NR3C2: variants seen among roughly 807,000 people sequenced by gnomAD.
The protein encoded by NR3C2 is nuclear receptor subfamily 3 group C member 2, also known as mineralocorticoid receptor.
A neutral mutation model predicts 86.4 loss-of-function variants in NR3C2; 15 were observed. The ratio of observed to expected loss-of-function variants is 0.17; its 90% CI spans 0.12 to 0.27. The LOEUF is 0.27. NR3C2 is among the 10% of genes least tolerant of loss of function. NR3C2 has a pLI of 1.00. For synonymous variants in NR3C2, 458 were observed against 450.5 expected (o/e 1.02, Z -0.21); for missense variants, 960 against 1,195.6 (o/e 0.80, Z 2.91).
At chr4:148,229,169 A>G (rs1738334948) in intron 3 of NR3C2, among the ~76,000 whole-genome samples, 1 of 152,182 alleles carries the variant, frequency 6.6e-6, no homozygotes, top group East Asian at 1.9e-4. Flanking sequence ...TCACCCAGGC[A>G]TGCCCGCAAT....
At position 148,154,641 on chromosome 4, in the gene NR3C2, G is replaced by A; in HGVS notation, c.2275C>T (p.Pro759Ser). Residue 759 changes from proline to serine, a missense_variant, in exon 5 of 9, where the codon CCA (proline) becomes TCA (serine). Physicochemically the swap from Pro to Ser is moderately conservative, Grantham distance 74. Coordinates refer to ENST00000358102, the MANE Select transcript of NR3C2 (RefSeq NM_000901.5). Reference sequence around the variant, plus strand: ...GAGAGCAGATTTTCGGCTGTATCTGGTTTTGAGCTGTCATAGCCTGCATAT... The same window carrying A: ...GAGAGCAGATTTTCGGCTGTATCTGATTTTGAGCTGTCATAGCCTGCATAT... The part of the protein sequence containing the change: ...IVYAGYDSSK[P>S]DTAENLLSTL... 6.2e-7 allele frequency: 1 copy of A among 1,614,202 alleles called. No individual in the cohort carries two copies. Among genetic ancestry groups the A allele is most frequent in the Non-Finnish European group, 8.5e-7 (1 of 1,180,040 alleles).
At chr4:148,416,942 A>AT (rs199722136) in intron 2 of NR3C2, among the ~76,000 whole-genome samples, 14,927 of 151,828 alleles carry the variant, frequency 0.098, 806 homozygotes, top group Middle Eastern at 0.13. Context: ...TGCCCAGCTA[A>AT]TTTTTTGTAT....
intron 3 of NR3C2, among the ~76,000 whole-genome samples, chr4:148,258,589 T>C (rs559494111): frequency 6.6e-6 from 1 of 152,330 alleles, no homozygotes; most frequent in African/African-American, 2.4e-5. Context: ...TGAGCCAAGT[T>C]CAATCTGAGG....
chr4:148,187,328 T>C (rs1408933006), intron 4 of NR3C2, among the ~76,000 whole-genome samples: 1 of 152,090 alleles, frequency 6.6e-6, no homozygotes, highest in Non-Finnish European at 1.5e-5. Flanking sequence ...ACCAGCAGTG[T>C]AGAAGTGTTC....
intron 3 of NR3C2, among the ~76,000 whole-genome samples, chr4:148,259,766 C>A (rs1740005057): frequency 6.6e-6 from 1 of 152,148 alleles, no homozygotes; most frequent in South Asian, 2.1e-4. Context: ...TTTGGTTGAT[C>A]CTTGCTCAGA....
intron 8 of NR3C2, among the ~76,000 whole-genome samples, chr4:148,092,868 A>G (rs1731121049): frequency 6.6e-6 from 1 of 152,100 alleles, no homozygotes; most frequent in Non-Finnish European, 1.5e-5. Flanking sequence ...CCAAAGCTCT[A>G]CCTTTACTTG....
intron 3 of NR3C2, among the ~76,000 whole-genome samples, chr4:148,200,765 G>A (rs1031647408): frequency 7.2e-5 from 11 of 152,132 alleles, no homozygotes; most frequent in African/African-American, 2.4e-4. Context: ...TAAAATGAAT[G>A]GTAGCTGTTA....
intron 2 of NR3C2, among the ~76,000 whole-genome samples, chr4:148,318,226 T>C (rs923622608): frequency 1.5e-4 from 22 of 150,878 alleles, no homozygotes; most frequent in African/African-American, 4.9e-4. Context: ...TATGGCTGCA[T>C]AGTATTCCAT....
intron 8 of NR3C2, among the ~76,000 whole-genome samples, chr4:148,082,556 C>CAGA (rs1341603584): frequency 2.0e-5 from 3 of 151,986 alleles, no homozygotes; most frequent in Non-Finnish European, 4.4e-5. Flanking sequence ...TTCCCAGGGT[C>CAGA]TTCACAACCC....
At chr4:148,191,520 T>G (rs1001902374) in intron 4 of NR3C2, among the ~76,000 whole-genome samples, 10 of 152,246 alleles carry the variant, frequency 6.6e-5, no homozygotes, top group African/African-American at 2.2e-4. Context: ...TATATTTGGA[T>G]GTTGAAGTCT....
chr4:148,150,440 G>T (rs1255701075), intron 6 of NR3C2, among the ~76,000 whole-genome samples: 1 of 152,128 alleles, frequency 6.6e-6, no homozygotes, highest in Admixed American at 6.6e-5. Flanking sequence ...TATTTTCTCT[G>T]TGAGGCGCAT....
intron 4 of NR3C2, among the ~76,000 whole-genome samples, chr4:148,170,374 A>C (rs1342959920): frequency 6.6e-6 from 1 of 152,258 alleles, no homozygotes; most frequent in Non-Finnish European, 1.5e-5. Context: ...CTAATTCATT[A>C]TGCTCCTAAA....
At chr4:148,142,327 G>C (rs558624517) in intron 6 of NR3C2, among the ~76,000 whole-genome samples, 8 of 152,220 alleles carry the variant, frequency 5.3e-5, no homozygotes, top group Admixed American at 3.9e-4. Context: ...GAATGGCGAC[G>C]GAAGTGGCAG....
At chr4:148,136,070 A>AACC (rs1733309441) in intron 6 of NR3C2, among the ~76,000 whole-genome samples, 1 of 133,424 alleles carries the variant, frequency 7.5e-6, no homozygotes, top group African/African-American at 3.0e-5. Flanking sequence ...AAAAAAAAAA[A>AACC]AAAAAACAAA....
chr4:148,155,387 T>C (rs895175978), intron 4 of NR3C2, among the ~76,000 whole-genome samples: 164 of 152,298 alleles, frequency 1.1e-3, no homozygotes, highest in African/African-American at 3.7e-3. Context: ...CCAAAATCTC[T>C]TTAAGCTGAT....
chr4:148,160,702 G>A (rs1384236226), intron 4 of NR3C2, among the ~76,000 whole-genome samples: 3 of 152,002 alleles, frequency 2.0e-5, no homozygotes, highest in Non-Finnish European at 4.4e-5. Flanking sequence ...TTATATTGAG[G>A]TTATATTAAA....
At chr4:148,229,938 C>A (rs915693478) in intron 3 of NR3C2, among the ~76,000 whole-genome samples, 1 of 152,136 alleles carries the variant, frequency 6.6e-6, no homozygotes, top group African/African-American at 2.4e-5. Context: ...TAACTCCAAT[C>A]TCAACTCCAG....
intron 2 of NR3C2, among the ~76,000 whole-genome samples, chr4:148,326,464 A>G (rs965104096): frequency 3.3e-5 from 5 of 152,064 alleles, no homozygotes; most frequent in Admixed American, 2.0e-4. Context: ...CATCTGTATA[A>G]GCTATTTGTA....
At chr4:148,179,150 C>T (rs28487903) in intron 4 of NR3C2, among the ~76,000 whole-genome samples, 26,116 of 151,220 alleles carry the variant, frequency 0.17, 2,810 homozygotes, top group African/African-American at 0.24. Flanking sequence ...ACAGAGTTAG[C>T]AGTTGTGTAT....
Sources: allele counts gnomAD v4.1 joint callset (sites outside exome capture counted in the v4.1 genomes callset), GRCh38; gene constraint gnomAD v4.1.1; transcripts MANE v1.5; gene names NCBI Gene and HGNC (gene_info 2026-07-23, HGNC 2026-07-21).